FSTL5: variants seen among roughly 807,000 people sequenced by gnomAD.
FSTL5 encodes the protein follistatin like 5, also known as follistatin-related protein 5.
In FSTL5, 62 loss-of-function variants were observed where a neutral mutation model predicts 89.1. The observed-to-expected ratio is 0.70, with a 90% confidence interval of 0.57 to 0.86. The LOEUF (loss-of-function observed/expected upper bound fraction) is 0.86. Among genes scored for constraint, FSTL5 ranks in the 40% least tolerant of loss-of-function variants. The probability of loss-of-function intolerance (pLI) is 0.00; values close to 1 mark genes in which losing one functional copy is unlikely to be tolerated. For synonymous variants in FSTL5, 383 were observed against 346.2 expected (o/e 1.11, Z -1.18); for missense variants, 1,057 against 1,001.6 (o/e 1.06, Z -0.75).
chr4:161,393,784 G>A (rs1016175537), intron 15 of FSTL5, among the ~76,000 whole-genome samples: 2 of 152,306 alleles, frequency 1.3e-5, no homozygotes, highest in South Asian at 4.1e-4. Flanking sequence ...TTCCTGAGGA[G>A]CTGTGAATTC....
intron 10 of FSTL5, among the ~76,000 whole-genome samples, chr4:161,531,141 A>G (rs1388012106): frequency 6.6e-6 from 1 of 152,230 alleles, no homozygotes; most frequent in Non-Finnish European, 1.5e-5. Context: ...TGAAGCACAT[A>G]TTTTTTGTCA....
At chr4:161,921,669 T>G (rs1031057762) in intron 3 of FSTL5, among the ~76,000 whole-genome samples, 207 of 152,216 alleles carry the variant, frequency 1.4e-3, no homozygotes, top group African/African-American at 4.7e-3. Context: ...CTCAGCTGTT[T>G]GTTTAAACCA....
chr4:161,876,832 G>A (rs1353380052), intron 4 of FSTL5, among the ~76,000 whole-genome samples: 1 of 151,946 alleles, frequency 6.6e-6, no homozygotes, highest in Non-Finnish European at 1.5e-5. Flanking sequence ...TACAGAAAGT[G>A]CACAATGTTG....
At chr4:161,766,656 G>A (rs1429293801) in intron 5 of FSTL5, among the ~76,000 whole-genome samples, 1 of 152,152 alleles carries the variant, frequency 6.6e-6, no homozygotes, top group Non-Finnish European at 1.5e-5. Context: ...TCACCATACT[G>A]ACTTTAGAAA....
intron 1 of FSTL5, among the ~76,000 whole-genome samples, chr4:162,160,241 G>T (rs919196443): frequency 1.3e-5 from 2 of 151,692 alleles, no homozygotes; most frequent in Admixed American, 1.3e-4. Context: ...ATCAAAACAT[G>T]GTCCCATCCA....
At chr4:161,401,871 T>C (rs1251883105) in intron 15 of FSTL5, among the ~76,000 whole-genome samples, 2 of 152,200 alleles carry the variant, frequency 1.3e-5, no homozygotes, top group African/African-American at 4.8e-5. Flanking sequence ...TTGGTTGCAG[T>C]TCACTTGAAT....
intron 10 of FSTL5, among the ~76,000 whole-genome samples, chr4:161,521,848 C>CAAAAAAAAAAAA (rs11405532): frequency 8.6e-5 from 5 of 58,154 alleles, no homozygotes; most frequent in South Asian, 2.6e-3. Context: ...GACTCCACCT[C>CAAAAAAAAAAAA]AAAAAAAAAA....
intron 1 of FSTL5, among the ~76,000 whole-genome samples, chr4:162,158,000 T>C (rs1384641157): frequency 6.6e-6 from 1 of 152,122 alleles, no homozygotes; most frequent in Non-Finnish European, 1.5e-5. Flanking sequence ...CGCCTTAGAT[T>C]ACCTCCTTAG....
intron 4 of FSTL5, among the ~76,000 whole-genome samples, chr4:161,836,017 C>A (rs1194464872): frequency 2.0e-5 from 3 of 152,076 alleles, no homozygotes; most frequent in East Asian, 1.9e-4. Flanking sequence ...ATGTTTATTG[C>A]AGCACCATTC....
intron 2 of FSTL5, among the ~76,000 whole-genome samples, chr4:162,066,178 C>T (rs1304864891): frequency 1.3e-5 from 2 of 151,814 alleles, no homozygotes; most frequent in African/African-American, 4.8e-5. Context: ...CTTTTTATCT[C>T]TGAATTTATT....
intron 1 of FSTL5, among the ~76,000 whole-genome samples, chr4:162,126,306 A>G (rs1245640145): frequency 6.6e-6 from 1 of 152,110 alleles, no homozygotes; most frequent in Non-Finnish European, 1.5e-5. Flanking sequence ...TATTAAAATT[A>G]TTAATTGAAA....
At chr4:161,453,498 T>A (rs1316943695) in intron 15 of FSTL5, among the ~76,000 whole-genome samples, 1 of 152,202 alleles carries the variant, frequency 6.6e-6, no homozygotes, top group Non-Finnish European at 1.5e-5. Flanking sequence ...GATTTTTAAG[T>A]CCCTGAGCTA....
At chr4:162,082,923 G>T (rs1337220518) in intron 2 of FSTL5, among the ~76,000 whole-genome samples, 1 of 151,070 alleles carries the variant, frequency 6.6e-6, no homozygotes, top group Non-Finnish European at 1.5e-5. Context: ...CGGAATAAAT[G>T]CTTCCATACA....
intron 3 of FSTL5, among the ~76,000 whole-genome samples, chr4:161,974,895 C>G (rs1423066183): frequency 2.0e-5 from 3 of 151,836 alleles, no homozygotes; most frequent in African/African-American, 7.3e-5. Flanking sequence ...TGAAATCAAA[C>G]AAATTTACAA....
chr4:161,840,515 A>T (rs1202257589), intron 4 of FSTL5, among the ~76,000 whole-genome samples: 1 of 152,184 alleles, frequency 6.6e-6, no homozygotes, highest in Non-Finnish European at 1.5e-5. Flanking sequence ...TTCATTCTCA[A>T]GACTAATCCT....
chr4:161,961,060 ATATT>A (rs1157098355), intron 3 of FSTL5, among the ~76,000 whole-genome samples: 2 of 150,928 alleles, frequency 1.3e-5, no homozygotes, highest in Non-Finnish European at 2.9e-5. Flanking sequence ...TTTTATTTAG[ATATT>A]TATTCTCAAA....
At chr4:161,983,970 GA>G (rs1356038144) in intron 3 of FSTL5, among the ~76,000 whole-genome samples, 1 of 151,820 alleles carries the variant, frequency 6.6e-6, no homozygotes, top group Non-Finnish European at 1.5e-5. Flanking sequence ...AAACTTTCCT[GA>G]AAAAAATTTT....
chr4:161,883,835 T>C (rs1732713405), intron 4 of FSTL5, among the ~76,000 whole-genome samples: 1 of 152,178 alleles, frequency 6.6e-6, no homozygotes, highest in African/African-American at 2.4e-5. Flanking sequence ...AGTTGACAGT[T>C]TTCTGACAGG....
intron 1 of FSTL5, among the ~76,000 whole-genome samples, chr4:162,134,264 G>C (rs1014150319): frequency 8.2e-4 from 125 of 152,326 alleles, no homozygotes; most frequent in African/African-American, 2.8e-3. Flanking sequence ...TGGAGGCTTA[G>C]TGGAAGTGAC....
Sources: allele counts gnomAD v4.1 joint callset (sites outside exome capture counted in the v4.1 genomes callset), GRCh38; gene constraint gnomAD v4.1.1; transcripts MANE v1.5; gene names NCBI Gene and HGNC (gene_info 2026-07-23, HGNC 2026-07-21).